Variants in TGFBR1 observed in about 807,000 individuals in gnomAD.
TGFBR1 encodes transforming growth factor beta receptor 1.
Under a neutral mutation model 55.1 loss-of-function variants are expected in TGFBR1, and 20 were observed. That is an observed-to-expected ratio of 0.36 (90% CI 0.26 to 0.53). The LOEUF is 0.53. TGFBR1 is among the 20% of genes least tolerant of loss of function. The pLI, the probability that TGFBR1 is intolerant of heterozygous loss-of-function variation, is 0.91. For missense variants in TGFBR1, 385 were observed against 617.6 expected, an observed-to-expected ratio of 0.62 and a Z score of 3.99; for synonymous variants, 220 against 214.8, an observed-to-expected ratio of 1.02 and a Z score of -0.21.
chr9:99,136,854 C>T (rs1827452488), intron 3 of TGFBR1, among the ~76,000 whole-genome samples: 1 of 151,728 alleles, frequency 6.6e-6, no homozygotes, highest in South Asian at 2.1e-4. Flanking sequence ...TAAATGACAC[C>T]AATTTATATG....
intron 1 of TGFBR1, among the ~76,000 whole-genome samples, chr9:99,107,690 A>G (rs887013988): frequency 4.6e-5 from 7 of 152,182 alleles, no homozygotes; most frequent in Non-Finnish European, 1.0e-4. Flanking sequence ...GTGAAGGTTT[A>G]TAAGATTTCC....
At chr9:99,121,510 G>A (rs1324458149) in intron 1 of TGFBR1, among the ~76,000 whole-genome samples, 1 of 152,164 alleles carries the variant, frequency 6.6e-6, no homozygotes, top group Non-Finnish European at 1.5e-5. Context: ...GAGAAAAGGG[G>A]TAAGGCAGAT....
chr9:99,124,139 C>G (rs974213052), intron 1 of TGFBR1, among the ~76,000 whole-genome samples: 1 of 152,136 alleles, frequency 6.6e-6, no homozygotes, highest in East Asian at 1.9e-4. Context: ...TACATATTCT[C>G]CAAGTTCTGA....
intron 1 of TGFBR1, among the ~76,000 whole-genome samples, chr9:99,119,612 A>G (rs1826842959): frequency 6.6e-6 from 1 of 152,184 alleles, no homozygotes; most frequent in South Asian, 2.1e-4. Context: ...TTCTGTTCAT[A>G]TTCCTTCCAG....
intron 1 of TGFBR1, among the ~76,000 whole-genome samples, 173 bp downstream of exon 1, chr9:99,105,475 C>T (rs974264503): frequency 1.1e-4 from 16 of 149,168 alleles, no homozygotes; most frequent in Non-Finnish European, 2.2e-4. Flanking sequence ...CCGGGCGAAC[C>T]GCAAGCGGGG....
At chr9:99,111,762 C>G (rs1826588884) in intron 1 of TGFBR1, among the ~76,000 whole-genome samples, 1 of 152,130 alleles carries the variant, frequency 6.6e-6, no homozygotes, top group Non-Finnish European at 1.5e-5. Flanking sequence ...CTTCAGTTTA[C>G]AGAGGAAATA....
intron 2 of TGFBR1, among the ~76,000 whole-genome samples, chr9:99,130,522 AG>A (rs1462507489): frequency 6.6e-6 from 1 of 152,276 alleles, no homozygotes; most frequent in Non-Finnish European, 1.5e-5. Context: ...GGCAAAGAAA[AG>A]GATAATTCCA....
At chr9:99,132,765 C>G in intron 3 of TGFBR1, 26 bp downstream of exon 3, 1 of 1,613,458 alleles carries the variant, frequency 6.2e-7, no homozygotes, top group Non-Finnish European at 8.5e-7. Context: ...CTCCTTTTTC[C>G]TAAGACATCT....
chr9:99,134,017 A>AT (rs1363780432), intron 3 of TGFBR1, among the ~76,000 whole-genome samples: 32 of 150,808 alleles, frequency 2.1e-4, no homozygotes, highest in Admixed American at 1.3e-3. Context: ...AAAAAAAAAA[A>AT]TTTTCACTAA....
At chr9:99,104,631 G>C (rs1216037103), upstream of TGFBR1, among the ~76,000 whole-genome samples, 1 of 152,170 alleles carries the variant, frequency 6.6e-6, no homozygotes, top group African/African-American at 2.4e-5. Context: ...GCGCTGCAGC[G>C]GATCTGGGTG....
chr9:99,143,924 T>G (rs964794436), intron 5 of TGFBR1, among the ~76,000 whole-genome samples: 1 of 152,246 alleles, frequency 6.6e-6, no homozygotes, highest in African/African-American at 2.4e-5. Context: ...TGTGACTGGC[T>G]TCTTTCACTT....
At position 99,132,757 on chromosome 9, in the gene TGFBR1, C is replaced by T. The variant is rs370062838; in HGVS notation, c.574+18C>T. On this transcript the variant is annotated intron_variant, in intron 3 of 8. Coordinates refer to ENST00000374994, the MANE Select transcript of TGFBR1 (RefSeq NM_004612.4). ...TGGCTCAGGTAACATAATTGTTTCT[C>T]CTTTTTCCTAAGACATCTTTTTAAA... The T allele has an allele frequency of 8.1e-5, 131 of 1,613,646 alleles. No homozygotes were observed. Among genetic ancestry groups the T allele is most frequent in the Admixed American group, 6.7e-5 (4 of 59,954 alleles).
intron 2 of TGFBR1, 34 bp from the exon 3 acceptor site, chr9:99,132,475 G>T: frequency 6.2e-7 from 1 of 1,612,320 alleles, no homozygotes; most frequent in Non-Finnish European, 8.5e-7. Context: ...TTTTGTCGTT[G>T]TTGATGTTTA....
At chr9:99,135,682 T>G (rs1022247004) in intron 3 of TGFBR1, among the ~76,000 whole-genome samples, 1 of 152,130 alleles carries the variant, frequency 6.6e-6, no homozygotes, top group Non-Finnish European at 1.5e-5. Flanking sequence ...TTGTAATATA[T>G]GCATGTTGTT....
chr9:99,104,516 G>C (rs11568743), upstream of TGFBR1, among the ~76,000 whole-genome samples: 1 of 152,130 alleles, frequency 6.6e-6, no homozygotes, highest in African/African-American at 2.4e-5. Flanking sequence ...GAGGAAATAG[G>C]AGAGTGAGTC....
At chr9:99,105,370 C>T (rs1365350954) in intron 1 of TGFBR1, 68 bp downstream of exon 1, 1 of 975,670 alleles carries the variant, frequency 1.0e-6, no homozygotes, top group Non-Finnish European at 1.2e-6. Flanking sequence ...TGGCTCGCTC[C>T]TGCTCTTTCT....
chr9:99,135,483 A>G (rs1398597436), intron 3 of TGFBR1, among the ~76,000 whole-genome samples: 1 of 152,224 alleles, frequency 6.6e-6, no homozygotes, highest in Non-Finnish European at 1.5e-5. Flanking sequence ...GACCATAATT[A>G]AGGAAAGGCC....
intron 1 of TGFBR1, among the ~76,000 whole-genome samples, chr9:99,115,478 G>C (rs1826708482): frequency 6.6e-6 from 1 of 152,224 alleles, no homozygotes; most frequent in African/African-American, 2.4e-5. Context: ...TTTTCTGCGA[G>C]AAACTAGGAC....
chr9:99,150,355 T>G lies in TGFBR1; in HGVS notation c.*1050T>G. 4.9e-6 allele frequency: 1 copy of G among 205,440 alleles called. No individual in the cohort carries two copies. Among genetic ancestry groups the G allele is most frequent in the Non-Finnish European group, 1.0e-5 (1 of 100,124 alleles). The allele number at this position is 205,440 out of a possible 1,614,324, so 12.7% of individuals were successfully genotyped here. A position where few individuals can be genotyped will look rare whatever the true frequency, so the allele number is the denominator to read the frequency against. ...AAAAGGGAAAGTCTGTCTAGCTGCT[T>G]GTGAAAAGTTATGTGGTATTCTGTA... On this transcript the variant is annotated 3_prime_UTR_variant, in exon 9 of 9. Transcript: ENST00000374994.
Sources: gnomAD v4.1 joint callset for allele counts (sites outside exome capture counted in the v4.1 genomes callset) on GRCh38, gnomAD v4.1.1 for gene constraint, MANE v1.5 for transcripts, NCBI Gene and HGNC (gene_info 2026-07-23, HGNC 2026-07-21) for gene names.